The following LMF1 variants were observed in gnomAD, a reference collection of about 807,000 sequenced individuals.
The protein encoded by LMF1 is lipase maturation factor 1.
In LMF1, 68 loss-of-function variants were observed where a neutral mutation model predicts 60.6. The observed-to-expected ratio is 1.12, with a 90% CI of 0.92 to 1.37. LMF1 has a LOEUF of 1.37. LMF1 is among the 40% of genes most tolerant of loss of function. The pLI, the probability that LMF1 is intolerant of heterozygous loss-of-function variation, is 0.00. For missense variants in LMF1, 948 were observed against 767.2 expected, an observed-to-expected ratio of 1.24 and a Z score of -2.78; for synonymous variants, 418 against 324.7, an observed-to-expected ratio of 1.29 and a Z score of -3.09.
chr16:894,383 C>T (rs549990712), intron 4 of LMF1, among the ~76,000 whole-genome samples: 279 of 141,314 alleles, frequency 2.0e-3, no homozygotes, highest in African/African-American at 3.7e-3. Context: ...CCTGGCCATC[C>T]GCCCACCTGT....
rs749366895 is a variant in LMF1, at chr16:970,858, C to G, written c.123G>C (p.Pro41=). 1.3e-6 allele frequency: 2 copies of G among 1,560,082 alleles called. No individual in the cohort carries two copies. The highest frequency in any genetic ancestry group is 1.7e-6 in the Non-Finnish European group (2 of 1,154,298). The stretch of plus-strand genomic sequence containing the variant: ...AGAAGGTGCCCGTGTGGAGATGGGC[C>G]GGAGAGCCTGCGGGGCCACGCCCCG... ...PAPGRGPAGS[P]AHLHTGTFWL... The change falls in exon 1 of 11, where the codon CCG becomes CCC. Residue 41 remains proline (P), a synonymous_variant. Transcript: ENST00000262301.
intron 6 of LMF1, chr16:873,327 C>T (rs2069861406): frequency 6.6e-6 from 1 of 152,332 alleles, no homozygotes; most frequent in Admixed American, 6.5e-5. Flanking sequence ...GGAGTCCTCA[C>T]AAGGCTGTGC....
chr16:953,975 G>A (rs868401058), intron 2 of LMF1, among the ~76,000 whole-genome samples: 282 of 22,426 alleles, frequency 0.013, 103 homozygotes, highest in Middle Eastern at 0.091. Flanking sequence ...CCTCCTACAT[G>A]TCCACACAGA....
intron 10 of LMF1, among the ~76,000 whole-genome samples, chr16:861,644 C>T (rs1347978459): frequency 1.3e-5 from 2 of 152,164 alleles, no homozygotes; most frequent in Non-Finnish European, 2.9e-5. Context: ...GTGTGAGCCG[C>T]TGCGCCCGGC....
intron 1 of LMF1, among the ~76,000 whole-genome samples, chr16:970,177 A>T (rs2073011354): frequency 6.6e-6 from 1 of 152,234 alleles, no homozygotes; most frequent in Admixed American, 6.5e-5. Flanking sequence ...GAGAAACTCC[A>T]GTCTGGCCAC....
At chr16:955,095 G>A (rs202027324) in intron 1 of LMF1, among the ~76,000 whole-genome samples, 1,806 of 90,512 alleles carry the variant, frequency 0.02, 111 homozygotes, top group African/African-American at 0.047. Flanking sequence ...CAGCAGACGC[G>A]GTGTGTGCAC....
upstream of LMF1, among the ~76,000 whole-genome samples, chr16:974,938 G>T (rs887805186): frequency 6.6e-6 from 1 of 152,238 alleles, no homozygotes; most frequent in African/African-American, 2.4e-5. Flanking sequence ...CCCAGGACCC[G>T]TGGATGCTAA....
At chr16:968,578 G>C (rs891344715) in intron 1 of LMF1, 4 of 152,202 alleles carry the variant, frequency 2.6e-5, no homozygotes, top group African/African-American at 9.7e-5. Context: ...TGCTTGCCCT[G>C]GGCCAGCTCA....
chr16:941,207 T>C (rs1407915852), intron 2 of LMF1, among the ~76,000 whole-genome samples: 1 of 152,084 alleles, frequency 6.6e-6, no homozygotes, highest in Non-Finnish European at 1.5e-5. Context: ...GAAAACTGCA[T>C]ATACTTGATA....
chr16:856,562 C>T (rs536922135), intron 10 of LMF1, among the ~76,000 whole-genome samples: 31 of 152,346 alleles, frequency 2.0e-4, no homozygotes, highest in African/African-American at 6.7e-4. Flanking sequence ...CAAATTCCTG[C>T]TCTTGCTTTC....
intron 10 of LMF1, among the ~76,000 whole-genome samples, chr16:867,772 T>C (rs1029416688): frequency 7.9e-5 from 12 of 152,260 alleles, no homozygotes; most frequent in Admixed American, 7.8e-4. Flanking sequence ...ATAGCCCCTC[T>C]GCCCCAGCTC....
At chr16:872,776 C>T (rs984633357) in intron 6 of LMF1, 2 of 152,362 alleles carry the variant, frequency 1.3e-5, no homozygotes, top group African/African-American at 2.4e-5. Context: ...AAGCTCGGGT[C>T]TTTCTGGCCC....
intron 2 of LMF1, among the ~76,000 whole-genome samples, chr16:951,115 CAAT>C (rs33938472): frequency 0.13 from 9,133 of 72,356 alleles, 2,810 homozygotes; most frequent in South Asian, 0.23. Context: ...CAGAGTCAGC[CAAT>C]GACAGAGTCA....
intron 1 of LMF1, among the ~76,000 whole-genome samples, chr16:977,925 A>ACACACGCAC (rs1555484148): frequency 1.4e-5 from 2 of 140,660 alleles, no homozygotes; most frequent in African/African-American, 5.5e-5. Flanking sequence ...CACACATACC[A>ACACACGCAC]CACACATACA....
At chr16:891,135 G>A (rs969516098) in intron 5 of LMF1, among the ~76,000 whole-genome samples, 1 of 152,212 alleles carries the variant, frequency 6.6e-6, no homozygotes, top group African/African-American at 2.4e-5. Flanking sequence ...CGTGGACACA[G>A]GGGAAGGCAG....
chr16:976,079 G>C (rs1273420358), intron 1 of LMF1: 2 of 454,122 alleles, frequency 4.4e-6, no homozygotes, highest in Admixed American at 4.7e-5. Flanking sequence ...AGCCTGAGTG[G>C]GTACAAACGC....
At chr16:893,767 C>T (rs567576260) in intron 4 of LMF1, among the ~76,000 whole-genome samples, 11 of 152,178 alleles carry the variant, frequency 7.2e-5, no homozygotes, top group African/African-American at 1.4e-4. Flanking sequence ...GGGTCACTCC[C>T]GGCTTCAGAT....
At chr16:907,415 AAAAG>A (rs1399042231) in intron 4 of LMF1, among the ~76,000 whole-genome samples, 1 of 152,078 alleles carries the variant, frequency 6.6e-6, no homozygotes, top group African/African-American at 2.4e-5. Context: ...AGAAAAAAAA[AAAAG>A]AAATACAACT....
At chr16:951,249 C>T (rs1254561618) in intron 2 of LMF1, among the ~76,000 whole-genome samples, 1 of 146,634 alleles carries the variant, frequency 6.8e-6, no homozygotes, top group Non-Finnish European at 1.5e-5. Context: ...ACGACAGAGT[C>T]AGCCAACGAC....
Sources: gnomAD v4.1 joint callset for allele counts (sites outside exome capture counted in the v4.1 genomes callset) on GRCh38, gnomAD v4.1.1 for gene constraint, MANE v1.5 for transcripts, NCBI Gene and HGNC (gene_info 2026-07-23, HGNC 2026-07-21) for gene names.